FAM120B: variants seen among roughly 807,000 people sequenced by gnomAD.
FAM120B encodes the protein family with sequence similarity 120 member B.
Under a neutral mutation model 96.3 loss-of-function variants are expected in FAM120B, and 83 were observed. The observed-to-expected ratio is 0.86, with a 90% confidence interval of 0.72 to 1.03. FAM120B has a LOEUF of 1.03. Ranked by LOEUF, FAM120B falls within the 50% of genes least tolerant of loss-of-function variation. The pLI, the probability that FAM120B is intolerant of heterozygous loss-of-function variation, is 0.00. For missense variants in FAM120B, 1,027 were observed against 1,121.2 expected, an observed-to-expected ratio of 0.92 and a Z score of 1.20; for synonymous variants, 407 against 402.7, an observed-to-expected ratio of 1.01 and a Z score of -0.13.
intron 4 of FAM120B, among the ~76,000 whole-genome samples, chr6:170,333,171 C>G (rs181172838): frequency 6.7e-6 from 1 of 149,712 alleles, no homozygotes; most frequent in Non-Finnish European, 1.5e-5. Flanking sequence ...CGCCCCCCCG[C>G]CCCCCGCAAT....
chr6:170,296,637 G>T (rs976211776), intron 1 of FAM120B, among the ~76,000 whole-genome samples: 4 of 151,898 alleles, frequency 2.6e-5, no homozygotes, highest in African/African-American at 9.7e-5. Context: ...GCCGGGGTCG[G>T]CGGGCGGGGC....
intron 9 of FAM120B, among the ~76,000 whole-genome samples, chr6:170,403,894 A>G (rs554085503): frequency 2.8e-4 from 43 of 152,238 alleles, no homozygotes; most frequent in African/African-American, 1.0e-3. Context: ...GCCGGAGCCC[A>G]CACTTTTGGG....
At position 170,405,540 on chromosome 6, in the gene FAM120B, C is replaced by G. The variant is rs1778775426; in HGVS notation, c.*789C>G. 1 of 152,200 alleles carries G rather than the reference C, an allele frequency of 6.6e-6. No individual in the cohort carries two copies. 9.4% of individuals were successfully genotyped at this position (152,200 alleles called of 1,614,324 possible). A position where few individuals can be genotyped will look rare whatever the true frequency, so the allele number is the denominator to read the frequency against. On this transcript the variant is annotated 3_prime_UTR_variant, in exon 11 of 11. Coordinates refer to ENST00000476287, the MANE Select transcript of FAM120B (RefSeq NM_032448.3). ...CGGATTTCCCATTTAATTTAATTTTCAGACTTCAGTTGACCATGAGTAACC... is the reference window on the plus strand; with the variant it reads ...CGGATTTCCCATTTAATTTAATTTTGAGACTTCAGTTGACCATGAGTAACC...
intron 4 of FAM120B, among the ~76,000 whole-genome samples, chr6:170,337,866 C>A (rs1415098375): frequency 6.6e-6 from 1 of 152,128 alleles, no homozygotes; most frequent in Non-Finnish European, 1.5e-5. Context: ...TCTGTGCGAT[C>A]AGTGGTGATA....
At chr6:170,327,337 C>T (rs556658717) in intron 3 of FAM120B, among the ~76,000 whole-genome samples, 73 of 152,252 alleles carry the variant, frequency 4.8e-4, no homozygotes, top group African/African-American at 1.6e-3. Context: ...TGAGCCACCG[C>T]GCCCGGCCAA....
chr6:170,397,082 C>T (rs1300425330), intron 9 of FAM120B, among the ~76,000 whole-genome samples: 6 of 152,194 alleles, frequency 3.9e-5, no homozygotes, highest in Admixed American at 3.9e-4. Flanking sequence ...CCTGGGGGCT[C>T]CCCGTGGGCT....
At chr6:170,366,474 G>T (rs1456398943) in intron 6 of FAM120B, among the ~76,000 whole-genome samples, 1 of 152,230 alleles carries the variant, frequency 6.6e-6, no homozygotes, top group Non-Finnish European at 1.5e-5. Flanking sequence ...GCTCTGAGGG[G>T]CAGGTGCCAG....
intron 5 of FAM120B, among the ~76,000 whole-genome samples, chr6:170,350,103 A>T (rs1362234470): frequency 1.3e-5 from 2 of 152,186 alleles, no homozygotes; most frequent in Non-Finnish European, 2.9e-5. Flanking sequence ...TCAGGCATAC[A>T]CAGAGACCCA....
chr6:170,376,184 C>G (rs529200451), intron 6 of FAM120B, among the ~76,000 whole-genome samples: 1 of 151,976 alleles, frequency 6.6e-6, no homozygotes, highest in African/African-American at 2.4e-5. Context: ...TTCTCTAGTT[C>G]GGGTCTCTAA....
chr6:170,300,075 C>T (rs9366199), intron 1 of FAM120B, among the ~76,000 whole-genome samples: 17,452 of 152,216 alleles, frequency 0.11, 1,128 homozygotes, highest in East Asian at 0.2. Flanking sequence ...AATTTTTGGA[C>T]GGTCAATTGT....
rs967865905 is a variant in FAM120B, at chr6:170,400,394, A to G, written c.2693-4156A>G. Reference sequence around the variant, plus strand: ...GCAGGTGGAGTGGGACCTGTTTGGTACTGACTCCTCTGGGAATGATAAGAG... The same window carrying G: ...GCAGGTGGAGTGGGACCTGTTTGGTGCTGACTCCTCTGGGAATGATAAGAG... On this transcript the variant is annotated intron_variant, in intron 9 of 10. Coordinates refer to ENST00000476287, the MANE Select transcript of FAM120B (RefSeq NM_032448.3). Among the ~76,000 whole-genome samples the G allele has an allele frequency of 4.6e-5, 7 of 152,234 alleles. No individual in the cohort carries two copies. In the South Asian group the frequency reaches 1.0e-3, roughly 23 times the overall value.
At chr6:170,290,990 C>T, upstream of FAM120B, 1 of 701,744 alleles carries the variant, frequency 1.4e-6, no homozygotes, top group Admixed American at 2.0e-5. The surrounding 1 kb of genome is among the most constrained non-coding windows in gnomAD (Gnocchi z 4.7). Flanking sequence ...TAATGAGATG[C>T]AAATCAGCAG....
chr6:170,379,325 T>G (rs992522404), intron 6 of FAM120B, among the ~76,000 whole-genome samples: 2 of 152,204 alleles, frequency 1.3e-5, no homozygotes, highest in Non-Finnish European at 2.9e-5. Context: ...GTTGGAGAAG[T>G]CCTCATATAT....
At chr6:170,300,275 G>A (rs1305312261) in intron 1 of FAM120B, among the ~76,000 whole-genome samples, 1 of 152,190 alleles carries the variant, frequency 6.6e-6, no homozygotes, top group Non-Finnish European at 1.5e-5. Context: ...GAAGTGCAGA[G>A]CAAAGGACGG....
intron 4 of FAM120B, among the ~76,000 whole-genome samples, chr6:170,343,768 C>T (rs1200572675): frequency 6.6e-6 from 1 of 152,038 alleles, no homozygotes; most frequent in African/African-American, 2.4e-5. Context: ...TCTGAGTTCC[C>T]AGATGATACT....
At chr6:170,381,521 G>A (rs542006742) in intron 6 of FAM120B, among the ~76,000 whole-genome samples, 1 of 151,792 alleles carries the variant, frequency 6.6e-6, no homozygotes, top group South Asian at 2.1e-4. Context: ...CCATTCCCCA[G>A]TGAGGCCAGT....
intron 6 of FAM120B, among the ~76,000 whole-genome samples, chr6:170,361,235 T>TATATATATAC (rs1218513547): frequency 6.7e-5 from 6 of 90,048 alleles, no homozygotes; most frequent in Non-Finnish European, 1.2e-4. Context: ...TATATATATA[T>TATATATATAC]ACACGTATAT....
Position 170,318,768 on chromosome 6 carries a change from G to A in FAM120B, c.1378G>A (p.Glu460Lys). The A allele has an allele frequency of 6.2e-7, 1 of 1,613,168 alleles. No homozygotes were observed. The highest frequency in any genetic ancestry group is 8.5e-7 in the Non-Finnish European group (1 of 1,179,720). The change falls in exon 2 of 11, where the codon GAA becomes AAA. Residue 460 changes from glutamate to lysine, a missense_variant. Transcript: ENST00000476287. ...GTATACAGGCTCTGAACCCAGGCAA[G>A]AAGTTCCCATGTATACAGGCCCTGA... is the stretch of plus-strand genomic sequence containing the variant. Reference protein sequence around the residue: ...PMYTGSEPRQEVPMYTGPESR... With the variant: ...PMYTGSEPRQKVPMYTGPESR...
chr6:170,325,372 C>T (rs1456991670), intron 3 of FAM120B, among the ~76,000 whole-genome samples: 1 of 152,126 alleles, frequency 6.6e-6, no homozygotes, highest in Non-Finnish European at 1.5e-5. Flanking sequence ...TTGGAATGTT[C>T]AGACTGAACG....
Sources: gnomAD v4.1 joint callset for allele counts (sites outside exome capture counted in the v4.1 genomes callset) on GRCh38, gnomAD v4.1.1 for gene constraint, Gnocchi (gnomAD v3.1) non-coding constraint, MANE v1.5 for transcripts, NCBI Gene and HGNC (gene_info 2026-07-23, HGNC 2026-07-21) for gene names.